The following FOXP1 variants were observed in gnomAD, a reference collection of about 807,000 sequenced individuals.
The protein encoded by FOXP1 is forkhead box protein P1.
A neutral mutation model predicts 98.2 loss-of-function variants in FOXP1; 15 were observed. That is an observed-to-expected ratio of 0.15 (90% CI 0.10 to 0.24). The LOEUF (loss-of-function observed/expected upper bound fraction) is 0.24. Ranked by LOEUF, FOXP1 falls within the 10% of genes least tolerant of loss-of-function variation. FOXP1 has a pLI of 1.00. For missense variants in FOXP1, 633 were observed against 848.5 expected (o/e 0.75, Z 3.15); for synonymous variants, 371 against 314.5 (o/e 1.18, Z -1.90).
At chr3:71,517,371 G>T (rs1330653237) in intron 2 of FOXP1, among the ~76,000 whole-genome samples, 1 of 152,194 alleles carries the variant, frequency 6.6e-6, no homozygotes, top group Non-Finnish European at 1.5e-5. Flanking sequence ...ATGCAAGAAT[G>T]TATTTGTCTA....
chr3:71,158,115 G>GGGAA (rs1363037077), intron 6 of FOXP1, among the ~76,000 whole-genome samples: 53 of 49,244 alleles, frequency 1.1e-3, no homozygotes, highest in Middle Eastern at 7.4e-3. Context: ...AAGGGAGGGA[G>GGGAA]GGAGGGAGGG....
chr3:71,201,040 C>T (rs2063641291), intron 5 of FOXP1, among the ~76,000 whole-genome samples: 1 of 152,162 alleles, frequency 6.6e-6, no homozygotes, highest in Admixed American at 6.5e-5. Flanking sequence ...GAAACAAACT[C>T]AGAAGTAACA....
intron 6 of FOXP1, among the ~76,000 whole-genome samples, chr3:71,172,539 G>A (rs2061702981): frequency 6.6e-6 from 1 of 152,172 alleles, no homozygotes; most frequent in African/African-American, 2.4e-5. Flanking sequence ...TCTGAGGTGT[G>A]CAGGGCAGTT....
chr3:70,968,329 TAAATTTTCACTAACTGCTTCTGCCTAAC>T (rs1489950541), intron 19 of FOXP1: 1 of 151,288 alleles, frequency 6.6e-6, no homozygotes, highest in African/African-American at 2.4e-5. Context: ...CAAGGTTAGA[TAAATTTTCACTAACTGCTTCTGCCTAAC>T]AAAGTGTTTT....
chr3:71,255,805 A>T (rs1188337442), intron 5 of FOXP1, among the ~76,000 whole-genome samples: 1 of 152,234 alleles, frequency 6.6e-6, no homozygotes, highest in Non-Finnish European at 1.5e-5. Flanking sequence ...CAAGTAAGCC[A>T]TCTTTTAGAC....
chr3:70,980,220 C>T (rs1308668450), intron 14 of FOXP1, among the ~76,000 whole-genome samples: 1 of 152,124 alleles, frequency 6.6e-6, no homozygotes, highest in African/African-American at 2.4e-5. Context: ...TCTTCTTCAC[C>T]TCGGGCCTTA....
intron 6 of FOXP1, among the ~76,000 whole-genome samples, chr3:71,135,960 T>C (rs1316400487): frequency 1.3e-5 from 2 of 152,238 alleles, no homozygotes; most frequent in African/African-American, 4.8e-5. Context: ...AAAATCTTCC[T>C]TCAGACAGTT....
intron 13 of FOXP1, among the ~76,000 whole-genome samples, chr3:70,990,967 G>A (rs1327491756): frequency 2.6e-5 from 4 of 152,040 alleles, no homozygotes; most frequent in African/African-American, 9.7e-5. Context: ...AACTCTGAAG[G>A]GGTGTTCTGA....
In FOXP1 at chr3:71,297,616, A is replaced by ATTT. The variant is rs33920121; in HGVS notation, c.-12+2201_-12+2203dup. Among the ~76,000 whole-genome samples, 106 of 135,184 alleles carry ATTT rather than the reference A, an allele frequency of 7.8e-4. 4 individuals carry two copies. Among genetic ancestry groups the ATTT allele is most frequent in the South Asian group, 1.6e-3 (7 of 4,296 alleles). 88.7% of individuals were successfully genotyped at this position (135,184 alleles called of 152,430 possible). On this transcript the variant is annotated intron_variant, in intron 5 of 20. Coordinates refer to ENST00000649528, the MANE Select transcript of FOXP1 (RefSeq NM_001349338.3). The stretch of plus-strand genomic sequence containing the variant: ...TCTACCACTTTTTCAGCTTTGTTTA[A>ATTT]TTTTTTTTTTTTTTTTTCAGACAGA...
intron 4 of FOXP1, among the ~76,000 whole-genome samples, chr3:71,356,875 T>C (rs1438879197): frequency 6.6e-6 from 1 of 152,202 alleles, no homozygotes. Context: ...ATATTATTAA[T>C]ACAAAGCATA....
At chr3:71,203,458 T>C (rs1007405483) in intron 5 of FOXP1, among the ~76,000 whole-genome samples, 2 of 152,238 alleles carry the variant, frequency 1.3e-5, no homozygotes, top group Admixed American at 1.3e-4. Context: ...AATGTATTTA[T>C]AGTAAATTAA....
chr3:71,030,283 C>G (rs998861335), intron 11 of FOXP1, among the ~76,000 whole-genome samples: 1 of 152,196 alleles, frequency 6.6e-6, no homozygotes, highest in East Asian at 1.9e-4. Flanking sequence ...TGGTCCATAA[C>G]GCAGCCAAAT....
intron 3 of FOXP1, among the ~76,000 whole-genome samples, chr3:71,409,818 A>C (rs544148720): frequency 6.6e-6 from 1 of 152,320 alleles, no homozygotes; most frequent in African/African-American, 2.4e-5. Flanking sequence ...GTTTGAGACC[A>C]GCCTGGGCAA....
intron 7 of FOXP1, among the ~76,000 whole-genome samples, chr3:71,064,457 A>AAG (rs900905237): frequency 1.3e-5 from 2 of 152,156 alleles, no homozygotes; most frequent in South Asian, 4.2e-4. Flanking sequence ...GCAAACGAAA[A>AAG]AGAGAGAGAG....
At chr3:71,247,994 G>C (rs1256322196) in intron 5 of FOXP1, among the ~76,000 whole-genome samples, 3 of 152,212 alleles carry the variant, frequency 2.0e-5, no homozygotes, top group African/African-American at 7.2e-5. Flanking sequence ...AGAGCTGGCT[G>C]AACAGAGGCC....
intron 7 of FOXP1, among the ~76,000 whole-genome samples, chr3:71,071,986 C>T (rs1260751538): frequency 6.6e-6 from 1 of 152,170 alleles, no homozygotes; most frequent in South Asian, 2.1e-4. Context: ...AAGGACTAAT[C>T]TCTAGGTATT....
intron 6 of FOXP1, among the ~76,000 whole-genome samples, chr3:71,176,529 T>C (rs1336757186): frequency 6.6e-6 from 1 of 152,094 alleles, no homozygotes; most frequent in Non-Finnish European, 1.5e-5. Flanking sequence ...TATAGCATGC[T>C]GCAAACGTCA....
chr3:71,347,720 T>C (rs2107817021), intron 4 of FOXP1, among the ~76,000 whole-genome samples: 1 of 152,166 alleles, frequency 6.6e-6, no homozygotes, highest in African/African-American at 2.4e-5. Flanking sequence ...ACCCCGTCTC[T>C]ACTAAAAATA....
chr3:71,150,933 A>C (rs978465885), intron 6 of FOXP1, among the ~76,000 whole-genome samples: 2 of 151,994 alleles, frequency 1.3e-5, no homozygotes, highest in Non-Finnish European at 2.9e-5. Context: ...TCAACTTCCT[A>C]GATTGTAAGA....
Sources: gnomAD v4.1 joint callset for allele counts (sites outside exome capture counted in the v4.1 genomes callset) on GRCh38, gnomAD v4.1.1 for gene constraint, MANE v1.5 for transcripts, NCBI Gene and HGNC (gene_info 2026-07-23, HGNC 2026-07-21) for gene names.